The following DCP1A variants were observed in gnomAD, a reference collection of about 807,000 sequenced individuals.
DCP1A encodes decapping mRNA 1A.
In DCP1A, 20 loss-of-function variants were observed where a neutral mutation model predicts 58.0. The ratio of observed to expected loss-of-function variants is 0.34; its 90% CI spans 0.24 to 0.50. DCP1A has a LOEUF of 0.50. Ranked by LOEUF, DCP1A falls within the 20% of genes least tolerant of loss-of-function variation. The probability of loss-of-function intolerance (pLI) is 0.98; values close to 1 mark genes in which losing one functional copy is unlikely to be tolerated. For missense variants in DCP1A, 613 were observed against 712.2 expected, an observed-to-expected ratio of 0.86 and a Z score of 1.59; for synonymous variants, 285 against 275.1, an observed-to-expected ratio of 1.04 and a Z score of -0.36.
chr3:53,304,962 C>A (rs914029892), intron 5 of DCP1A, among the ~76,000 whole-genome samples: 5 of 152,060 alleles, frequency 3.3e-5, no homozygotes, highest in Admixed American at 6.6e-5. Context: ...ATGTCCCTAT[C>A]AGCATAATCA....
intron 3 of DCP1A, chr3:53,329,210 T>G: frequency 2.5e-6 from 1 of 394,712 alleles, no homozygotes. Flanking sequence ...GACTTGCCCT[T>G]GAACTGAGAA....
At chr3:53,317,122 A>G (rs146552438) in intron 4 of DCP1A, among the ~76,000 whole-genome samples, 66 of 152,338 alleles carry the variant, frequency 4.3e-4, no homozygotes, top group Middle Eastern at 6.8e-3. Flanking sequence ...GGATTTCTGG[A>G]TAACCATGAA....
intron 6 of DCP1A, among the ~76,000 whole-genome samples, chr3:53,297,326 C>CA (rs1203438993): frequency 6.1e-5 from 9 of 147,014 alleles, no homozygotes; most frequent in South Asian, 2.1e-4. Flanking sequence ...GGTTTCTTAG[C>CA]AAAAAAAAGT....
At position 53,292,301 on chromosome 3, in the gene DCP1A, G is replaced by T. The variant is rs782284886; in HGVS notation, c.1151C>A (p.Thr384Lys). ...AACGCTTGGGAGGGATGTGCCAGCT[G>T]TGTTCGTCACGTTCAATGGGGCCCT... ...PFRAPLNVTNTAGTSLPSVDL... is the reference protein window; with the variant it reads ...PFRAPLNVTNKAGTSLPSVDL... The change falls in exon 7 of 10, where the codon ACA (threonine) becomes AAA (lysine). Residue 384 changes from threonine to lysine, a missense_variant. By Grantham distance (78) the Thr-to-Lys change is moderately conservative (BLOSUM62 -1). Transcript: ENST00000610213. 1 of 1,613,866 alleles carries T rather than the reference G, an allele frequency of 6.2e-7. No individual in the cohort carries two copies. The highest frequency in any genetic ancestry group is 1.7e-5 in the Admixed American group (1 of 60,022).
At chr3:53,331,028 T>G (rs1313717392) in intron 3 of DCP1A, among the ~76,000 whole-genome samples, 3 of 152,066 alleles carry the variant, frequency 2.0e-5, no homozygotes, top group Non-Finnish European at 2.9e-5. Flanking sequence ...CCGGCTAATT[T>G]TTGTATTTTT....
chr3:53,295,776 C>T (rs78710131), intron 6 of DCP1A, among the ~76,000 whole-genome samples: 3,626 of 152,242 alleles, frequency 0.024, 146 homozygotes, highest in South Asian at 0.15. Flanking sequence ...AAAGCGAGGA[C>T]ATTGTGACAA....
chr3:53,293,620 T>A (rs1553686465), intron 6 of DCP1A, among the ~76,000 whole-genome samples: 1 of 152,202 alleles, frequency 6.6e-6, no homozygotes, highest in African/African-American at 2.4e-5. Flanking sequence ...CTCAACTTTT[T>A]ATTCCTAAAA....
chr3:53,343,093 T>A (rs2089238106), intron 2 of DCP1A, among the ~76,000 whole-genome samples: 1 of 152,218 alleles, frequency 6.6e-6, no homozygotes. Flanking sequence ...ACCTAACACT[T>A]CACCGTTTTT....
rs913725499 is a variant in DCP1A, at chr3:53,292,557, T to C, written c.895A>G (p.Ile299Val). ...GCATGCTTTTCATTGGACTGTGTGATGGAGGCTGGAGTGATTAGCACCGGG... is the reference window on the plus strand; with the variant it reads ...GCATGCTTTTCATTGGACTGTGTGACGGAGGCTGGAGTGATTAGCACCGGG... ...TTPVLITPAS[I>V]TQSNEKHAPT... Residue 299 changes from isoleucine to valine, a missense_variant, in exon 7 of 10, where the codon ATC (isoleucine) becomes GTC (valine). By Grantham distance (29) the Ile-to-Val change is conservative (BLOSUM62 3). This residue lies in a region of DCP1A where 498 missense variants were observed against 556.7 expected (regional missense o/e 0.89). Coordinates refer to ENST00000610213, the MANE Select transcript of DCP1A (RefSeq NM_018403.7). 9.3e-6 allele frequency: 15 copies of C among 1,613,976 alleles called. No individual in the cohort carries two copies. In the East Asian group the frequency reaches 2.9e-4, roughly 31 times the overall value.
intron 3 of DCP1A, among the ~76,000 whole-genome samples, chr3:53,340,340 T>C (rs782172060): frequency 2.6e-5 from 4 of 152,236 alleles, no homozygotes; most frequent in Non-Finnish European, 5.9e-5. Context: ...ACAAAGCATG[T>C]CTAATATGTC....
chr3:53,342,265 A>C lies in DCP1A; in HGVS notation c.183T>G (p.Ala61=). The change falls in exon 3 of 10, where the codon GCT becomes GCG. Residue 61 remains alanine (A), a synonymous_variant. Transcript: ENST00000610213. ...EGTLFVYRRS[A]SPYHGFTIVN... Reference sequence around the variant, plus strand: ...CAATGGTAAAACCATGGTAAGGGGAAGCTGACCTTAGATTTAATAGAAGAA... The same window carrying C: ...CAATGGTAAAACCATGGTAAGGGGACGCTGACCTTAGATTTAATAGAAGAA... 6.3e-7 allele frequency: 1 copy of C among 1,595,912 alleles called. No individual in the cohort carries two copies. Among genetic ancestry groups the C allele is most frequent in the Non-Finnish European group, 8.6e-7 (1 of 1,168,508 alleles).
rs140395958 is a variant in DCP1A, at chr3:53,344,591, T to C, written c.176+311A>G. Among the ~76,000 whole-genome samples the C allele has an allele frequency of 7.2e-3, 1,099 of 152,320 alleles. 17 individuals carry two copies. The highest frequency in any genetic ancestry group is 0.025 in the African/African-American group (1,039 of 41,564). The stretch of plus-strand genomic sequence containing the variant: ...CTATGTATTGTCTTTTCCCCAAATA[T>C]ATATCTTTCTTTTTCTTTCTAATAT... On this transcript the variant is annotated intron_variant, in intron 2 of 9. Coordinates refer to ENST00000610213, the MANE Select transcript of DCP1A (RefSeq NM_018403.7).
intron 4 of DCP1A, among the ~76,000 whole-genome samples, chr3:53,316,300 G>A (rs1707810651): frequency 6.6e-6 from 1 of 152,192 alleles, no homozygotes; most frequent in South Asian, 2.1e-4. Flanking sequence ...AAGACAGATA[G>A]TCTTCTTTAG....
chr3:53,306,931 C>CTTTTTTT (rs1159787111), intron 5 of DCP1A, among the ~76,000 whole-genome samples: 1 of 101,558 alleles, frequency 9.8e-6, no homozygotes, highest in Non-Finnish European at 1.9e-5. Context: ...CCAGGCTGTT[C>CTTTTTTT]TTTTTTTTTT....
At chr3:53,322,905 G>A (rs1245011532) in intron 3 of DCP1A, among the ~76,000 whole-genome samples, 1 of 151,020 alleles carries the variant, frequency 6.6e-6, no homozygotes, top group Non-Finnish European at 1.5e-5. Flanking sequence ...TCTGCCTCCC[G>A]TGTTCACGCC....
intron 2 of DCP1A, among the ~76,000 whole-genome samples, chr3:53,344,606 C>A (rs1553692924): frequency 6.6e-6 from 1 of 152,062 alleles, no homozygotes; most frequent in Non-Finnish European, 1.5e-5. Flanking sequence ...CTTTCTTTTT[C>A]TTTCTAATAT....
intron 6 of DCP1A, among the ~76,000 whole-genome samples, chr3:53,297,327 A>C (rs1039779987): frequency 1.3e-5 from 2 of 151,900 alleles, no homozygotes; most frequent in African/African-American, 2.4e-5. Context: ...GTTTCTTAGC[A>C]AAAAAAAGTA....
intron 4 of DCP1A, among the ~76,000 whole-genome samples, chr3:53,315,491 A>G (rs1338936315): frequency 6.9e-6 from 1 of 145,794 alleles, no homozygotes; most frequent in Non-Finnish European, 1.5e-5. Context: ...GTGAACCCAG[A>G]TCACGCCACC....
intron 3 of DCP1A, among the ~76,000 whole-genome samples, chr3:53,331,776 C>T (rs577555405): frequency 5.9e-5 from 9 of 152,242 alleles, no homozygotes; most frequent in Admixed American, 2.0e-4. Flanking sequence ...TAGGTAAGCA[C>T]ATAGATATTA....
Sources: allele counts gnomAD v4.1 joint callset (sites outside exome capture counted in the v4.1 genomes callset), GRCh38; gene constraint gnomAD v4.1.1; regional missense constraint gnomAD v4.1.1; transcripts MANE v1.5; gene names NCBI Gene and HGNC (gene_info 2026-07-23, HGNC 2026-07-21).